Variants in BCOR observed in about 807,000 individuals in gnomAD.
BCOR encodes BCL-6 corepressor.
In BCOR, 10 loss-of-function variants were observed where a neutral mutation model predicts 86.7. The observed-to-expected ratio is 0.12, with a 90% CI of 0.07 to 0.20. The LOEUF is 0.20. BCOR is among the 10% of genes least tolerant of loss of function. BCOR has a pLI of 1.00. For synonymous variants in BCOR, 611 were observed against 609.0 expected, an observed-to-expected ratio of 1.00 and a Z score of -0.05; for missense variants, 1,259 against 1,452.1, an observed-to-expected ratio of 0.87 and a Z score of 2.16.
At chrX:40,167,698 G>A (rs1364718479) in intron 1 of BCOR, among the ~76,000 whole-genome samples, 2 of 111,869 alleles carry the variant, frequency 1.8e-5, no homozygotes, top group African/African-American at 3.2e-5. Context: ...CCTCGGATTG[G>A]CATTTCTATA....
At chrX:40,052,555 A>AATT (rs1934365588) in intron 14 of BCOR, among the ~76,000 whole-genome samples, 155 bp from the exon 15 acceptor site, 1 of 47,778 alleles carries the variant, frequency 2.1e-5, no homozygotes. Context: ...TCTGATCACC[A>AATT]TTTTTTTTTT....
chrX:40,107,275 C>G (rs1682914552), intron 1 of BCOR, among the ~76,000 whole-genome samples: 4 of 111,702 alleles, frequency 3.6e-5, no homozygotes, highest in Admixed American at 2.8e-4. Context: ...GGATCGTACT[C>G]TCCTGGCGGG....
At position 40,073,098 on chromosome X, in the gene BCOR, G is replaced by C. The variant is rs763215274; in HGVS notation, c.2248C>G (p.His750Asp). The C allele has an allele frequency of 2.5e-6, 3 of 1,211,999 alleles. No individual in the cohort carries two copies. In the Admixed American group the frequency reaches 6.5e-5, roughly 26 times the overall value. ...GGGTCCTCGTAACGGGCTCTCTCAT[G>C]GGACCGGGATCTCCTCTCTGGTTTC... The part of the protein sequence containing the change: ...EEKPERRSRS[H>D]ERARYEDPTL... The change falls in exon 4 of 15, where the codon CAT (histidine) becomes GAT (aspartate). Residue 750 changes from histidine to aspartate, a missense_variant. His to Asp is a moderately conservative substitution (Grantham distance 81, BLOSUM62 -1). Coordinates refer to ENST00000378444, the MANE Select transcript of BCOR (RefSeq NM_001123385.2).
chrX:40,097,171 A>G (rs1397746069), intron 1 of BCOR, 44 bp downstream of exon 1: 2 of 34,380 alleles, frequency 5.8e-5, no homozygotes, highest in Non-Finnish European at 5.7e-5. Flanking sequence ...CCGCCCGCCC[A>G]CCCGTCCGCG....
chrX:40,123,596 G>A (rs1295603057), intron 1 of BCOR, among the ~76,000 whole-genome samples: 5 of 110,542 alleles, frequency 4.5e-5, no homozygotes, highest in Admixed American at 9.7e-5. Context: ...CTTGTGATCC[G>A]CCCGCCTCGG....
chrX:40,072,066 C>T (rs1935500177), intron 4 of BCOR: 1 of 413,545 alleles, frequency 2.4e-6, no homozygotes, highest in Non-Finnish European at 4.2e-6. Context: ...GATAGGTAAA[C>T]GTCATGCAGT....
chrX:40,081,487 G>C (rs1284916229), intron 1 of BCOR, among the ~76,000 whole-genome samples: 4 of 112,547 alleles, frequency 3.6e-5, no homozygotes, highest in African/African-American at 1.3e-4. Flanking sequence ...GCTGACCCTT[G>C]GCAGCGGAAC....
intron 1 of BCOR, among the ~76,000 whole-genome samples, chrX:40,155,543 A>G (rs965947291): frequency 7.3e-5 from 8 of 110,054 alleles, no homozygotes; most frequent in Non-Finnish European, 3.8e-5. Context: ...CCCAGCCAAC[A>G]GCCCACACCC....
At chrX:40,130,381 C>G (rs189702537) in intron 1 of BCOR, among the ~76,000 whole-genome samples, 91 of 112,460 alleles carry the variant, frequency 8.1e-4, no homozygotes, top group Non-Finnish European at 1.3e-3. Context: ...CCAAGACCCG[C>G]TCTGCCAGGG....
Position 40,078,362 on chromosome X carries a change from T to C in BCOR, c.-40-393A>G, listed in dbSNP as rs944843012. Among the ~76,000 whole-genome samples, 3 of 111,626 alleles carry C rather than the reference T, an allele frequency of 2.7e-5. No homozygotes were observed. The Admixed American group carries it at 2.8e-4, about 11-fold the overall frequency. On this transcript the variant is annotated intron_variant, in intron 1 of 14. Coordinates refer to ENST00000378444, the MANE Select transcript of BCOR (RefSeq NM_001123385.2). Reference sequence around the variant, plus strand: ...ATTCAACAAGGGGAGGCTCTGACAATAGGTTCAGGGATGCTGCATCACTGG... The same window carrying C: ...ATTCAACAAGGGGAGGCTCTGACAACAGGTTCAGGGATGCTGCATCACTGG...
chrX:40,155,057 CGGGAGGGGAGGGGGTCGG>C (rs1036943621), intron 1 of BCOR, among the ~76,000 whole-genome samples: 2 of 103,667 alleles, frequency 1.9e-5, no homozygotes, highest in African/African-American at 7.0e-5. Flanking sequence ...GGAGTAGCTG[CGGGAGGGGAGGGGGTCGG>C]GGGAGGGGCG....
upstream of BCOR, among the ~76,000 whole-genome samples, chrX:40,099,879 G>A (rs1446590765): frequency 8.9e-6 from 1 of 112,003 alleles, no homozygotes; most frequent in Non-Finnish European, 1.9e-5. Flanking sequence ...GTGCCCCCGC[G>A]AGCAGTGCCC....
At chrX:40,156,360 C>T (rs984937465) in intron 1 of BCOR, among the ~76,000 whole-genome samples, 5 of 101,949 alleles carry the variant, frequency 4.9e-5, no homozygotes, top group African/African-American at 1.8e-4. Context: ...CCCGCGCGGC[C>T]GGGTTTTTTC....
intron 1 of BCOR, among the ~76,000 whole-genome samples, chrX:40,165,769 T>TTATC (rs35175801): frequency 0.033 from 3,658 of 111,399 alleles, 161 homozygotes; most frequent in African/African-American, 0.11. Context: ...GGGCATGAGA[T>TTATC]TATCTATCTA....
At chrX:40,071,197 C>T (rs1457841139) in intron 5 of BCOR, 38 bp from the exon 6 acceptor site, 2 of 1,105,438 alleles carry the variant, frequency 1.8e-6, no homozygotes, top group Non-Finnish European at 2.4e-6. Context: ...AAAAAAACAA[C>T]ACCTTACCAT....
intron 6 of BCOR, 73 bp downstream of exon 6, chrX:40,070,900 A>T (rs1005923743): frequency 4.8e-6 from 5 of 1,039,604 alleles, no homozygotes; most frequent in Non-Finnish European, 5.4e-6. Flanking sequence ...GCATGGCAAA[A>T]GCAGCCCATT....
chrX:40,139,472 T>C (rs961046642), intron 1 of BCOR, among the ~76,000 whole-genome samples: 2 of 10,109 alleles, frequency 2.0e-4, no homozygotes, highest in African/African-American at 1.1e-3. Flanking sequence ...TATATATATA[T>C]ATATATATAT....
Position 40,073,713 on chromosome X carries a change from G to A in BCOR, c.1633C>T (p.Pro545Ser). 1.6e-6 allele frequency: 2 copies of A among 1,212,633 alleles called. No homozygotes were observed. Among genetic ancestry groups the A allele is most frequent in the Non-Finnish European group, 2.2e-6 (2 of 895,711 alleles). The change falls in exon 4 of 15, where the codon CCG (proline) becomes TCG (serine). Residue 545 changes from proline (P) to serine (S), a missense_variant. Transcript: ENST00000378444. Reference protein sequence around the residue: ...AIPQQRSSSCPRMGGTDAVIT... With the variant: ...AIPQQRSSSCSRMGGTDAVIT... ...ACAGCATCGGTGCCGCCCATGCGCG[G>A]GCATGATGAACTCCGCTGCTGTGGT...
At chrX:40,108,381 G>A (rs1937233855) in intron 1 of BCOR, among the ~76,000 whole-genome samples, 1 of 113,488 alleles carries the variant, frequency 8.8e-6, no homozygotes, top group Non-Finnish European at 1.9e-5. Flanking sequence ...CAAATAGCTG[G>A]GAGGGCGCCG....
Sources: allele counts gnomAD v4.1 joint callset (sites outside exome capture counted in the v4.1 genomes callset), GRCh38; gene constraint gnomAD v4.1.1; transcripts MANE v1.5; gene names NCBI Gene and HGNC (gene_info 2026-07-23, HGNC 2026-07-21).